The following PALS1 variants were observed in gnomAD, a reference collection of about 807,000 sequenced individuals.
PALS1 encodes the protein protein associated with LIN7 1, MAGUK p55 family member.
Under a neutral mutation model 78.9 loss-of-function variants are expected in PALS1, and 31 were observed. The ratio of observed to expected loss-of-function variants is 0.39; its 90% CI spans 0.30 to 0.53. PALS1 has a LOEUF of 0.53. Ranked by LOEUF, PALS1 falls within the 20% of genes least tolerant of loss-of-function variation. PALS1 has a pLI of 0.67. For synonymous variants in PALS1, 276 were observed against 270.9 expected (o/e 1.02, Z -0.18); for missense variants, 704 against 826.5 (o/e 0.85, Z 1.82).
intron 3 of PALS1, among the ~76,000 whole-genome samples, chr14:67,286,238 T>A (rs1375725726): frequency 1.3e-5 from 2 of 152,180 alleles, no homozygotes; most frequent in Non-Finnish European, 2.9e-5. Flanking sequence ...CTAGCACATA[T>A]ATCAGTCTTT....
chr14:67,283,459 AGAC>A (rs1231704410), intron 3 of PALS1, among the ~76,000 whole-genome samples: 1 of 152,214 alleles, frequency 6.6e-6, no homozygotes, highest in Non-Finnish European at 1.5e-5. Flanking sequence ...TCAAGCCAAC[AGAC>A]AAAATCCCAA....
At chr14:67,268,225 A>T (rs376230061) in intron 1 of PALS1, among the ~76,000 whole-genome samples, 149 of 152,238 alleles carry the variant, frequency 9.8e-4, no homozygotes, top group African/African-American at 3.5e-3. Context: ...AGTGCTTAAT[A>T]TTGTCACTTT....
intron 1 of PALS1, among the ~76,000 whole-genome samples, chr14:67,267,788 C>CT (rs1346885842): frequency 6.6e-6 from 1 of 152,126 alleles, no homozygotes; most frequent in East Asian, 1.9e-4. Context: ...CACCAAACTG[C>CT]TTTTTGTAAT....
intron 1 of PALS1, among the ~76,000 whole-genome samples, chr14:67,254,715 A>G (rs1025325661): frequency 5.9e-5 from 9 of 152,212 alleles, no homozygotes; most frequent in African/African-American, 1.9e-4. Flanking sequence ...CAAGCAAACT[A>G]TCCCCCCACC....
At chr14:67,270,870 G>A (rs1476509222) in intron 2 of PALS1, 5 of 152,070 alleles carry the variant, frequency 3.3e-5, no homozygotes, top group African/African-American at 1.2e-4. Flanking sequence ...AGGATAGTCT[G>A]GAAAGATTTC....
At chr14:67,274,133 C>A (rs2084459850) in intron 2 of PALS1, among the ~76,000 whole-genome samples, 1 of 152,144 alleles carries the variant, frequency 6.6e-6, no homozygotes, top group Non-Finnish European at 1.5e-5. Flanking sequence ...TTAATTAGAT[C>A]CCATTTGTCA....
At position 67,331,550 on chromosome 14, in the gene PALS1, T is replaced by C. The variant is rs145651300; in HGVS notation, c.1852-1230T>C. 4.2e-3 allele frequency among the ~76,000 whole-genome samples: 647 copies of C among 152,296 alleles called. 7 individuals carry two copies. Among genetic ancestry groups the C allele is most frequent in the African/African-American group, 0.015 (608 of 41,560 alleles). On this transcript the variant is annotated intron_variant, in intron 14 of 14. Coordinates refer to ENST00000261681, the MANE Select transcript of PALS1 (RefSeq NM_022474.4). ...GTGGCTATCTAGCAGTATGAACTTA[T>C]TGTCAGTTTTGCCTAGTTCAGCTAA...
At chr14:67,273,663 G>A (rs1339948487) in intron 2 of PALS1, among the ~76,000 whole-genome samples, 2 of 152,152 alleles carry the variant, frequency 1.3e-5, no homozygotes, top group Non-Finnish European at 2.9e-5. Context: ...GGGTCAAATG[G>A]TATTTCTAGT....
chr14:67,246,692 C>CT (rs2083993230), intron 1 of PALS1, among the ~76,000 whole-genome samples: 1 of 144,592 alleles, frequency 6.9e-6, no homozygotes. Flanking sequence ...TGCTCTCTCG[C>CT]CAGGCTGGAG....
intron 4 of PALS1, among the ~76,000 whole-genome samples, chr14:67,293,035 C>A (rs539405437): frequency 2.6e-5 from 4 of 151,996 alleles, no homozygotes; most frequent in Admixed American, 2.6e-4. Context: ...GAATTTTAAG[C>A]ATTATACATT....
intron 7 of PALS1, among the ~76,000 whole-genome samples, chr14:67,302,812 A>G: frequency 7.0e-6 from 1 of 143,278 alleles, no homozygotes; most frequent in Admixed American, 6.8e-5. Flanking sequence ...AATCAGTAAT[A>G]TAACTCATTA....
chr14:67,276,738 T>C (rs1404744871), intron 2 of PALS1, among the ~76,000 whole-genome samples: 1 of 152,222 alleles, frequency 6.6e-6, no homozygotes, highest in African/African-American at 2.4e-5. Flanking sequence ...TACCAGGTTA[T>C]AGAAATTTTT....
intron 8 of PALS1, among the ~76,000 whole-genome samples, chr14:67,307,597 T>A (rs1211116601): frequency 6.6e-6 from 1 of 152,198 alleles, no homozygotes; most frequent in African/African-American, 2.4e-5. Flanking sequence ...GGTATAAAAA[T>A]GTATTAATAA....
At chr14:67,257,606 AAAG>A (rs1158386427) in intron 1 of PALS1, among the ~76,000 whole-genome samples, 15 of 152,204 alleles carry the variant, frequency 9.9e-5, no homozygotes, top group Non-Finnish European at 1.6e-4. Flanking sequence ...ACTAAAAAAA[AAAG>A]AAATGGCATG....
At position 67,279,552 on chromosome 14, in the gene PALS1, A is replaced by G; in HGVS notation, c.367+15A>G. 6.6e-7 allele frequency: 1 copy of G among 1,509,546 alleles called. No individual in the cohort carries two copies. The highest frequency in any genetic ancestry group is 1.4e-5 in the African/African-American group (1 of 71,664). 93.5% of individuals were successfully genotyped at this position (1,509,546 alleles called of 1,614,324 possible). A position where few individuals can be genotyped will look rare whatever the true frequency, so the allele number is the denominator to read the frequency against. ...GAAAATATTAGGTAAGTAAAAATAG[A>G]GGTATAACAGAAAACATTTTGCTTT... On this transcript the variant is annotated intron_variant, in intron 3 of 14. Coordinates refer to ENST00000261681, the MANE Select transcript of PALS1 (RefSeq NM_022474.4).
chr14:67,297,556 C>T (rs1200834288), intron 4 of PALS1, among the ~76,000 whole-genome samples: 1 of 152,064 alleles, frequency 6.6e-6, no homozygotes, highest in Non-Finnish European at 1.5e-5. Flanking sequence ...TATAAACAGG[C>T]TTCTAATTTA....
At chr14:67,302,819 A>C (rs2084949783) in intron 7 of PALS1, among the ~76,000 whole-genome samples, 1 of 143,184 alleles carries the variant, frequency 7.0e-6, no homozygotes, top group Non-Finnish European at 1.6e-5. Context: ...AATATAACTC[A>C]TTAATTCACT....
At chr14:67,254,327 C>G (rs918343845) in intron 1 of PALS1, 2 of 151,764 alleles carry the variant, frequency 1.3e-5, no homozygotes, top group Non-Finnish European at 2.9e-5. Flanking sequence ...TTAGCTTAAC[C>G]CTTTTTCCTA....
rs143313383 is a variant in PALS1, at chr14:67,281,401, C to A, written c.367+1864C>A. Among the ~76,000 whole-genome samples, 1,073 of 152,050 alleles carry A rather than the reference C, an allele frequency of 7.1e-3. 4 individuals carry two copies. Among genetic ancestry groups the A allele is most frequent in the Non-Finnish European group, 8.9e-3 (603 of 67,972 alleles). On this transcript the variant is annotated intron_variant, in intron 3 of 14. Transcript: ENST00000261681. The stretch of plus-strand genomic sequence containing the variant: ...GCTAAAAGATTACATTTTTTTAATA[C>A]CTTTATGTGAAAGAATTTTATGCTC...
Sources: allele counts gnomAD v4.1 joint callset (sites outside exome capture counted in the v4.1 genomes callset), GRCh38; gene constraint gnomAD v4.1.1; transcripts MANE v1.5; gene names NCBI Gene and HGNC (gene_info 2026-07-23, HGNC 2026-07-21).